The following PCDH9 variants were observed in gnomAD, a reference collection of about 807,000 sequenced individuals.
PCDH9 encodes protocadherin 9, also known as protocadherin-9.
In PCDH9, 24 loss-of-function variants were observed where a neutral mutation model predicts 70.6. The observed-to-expected ratio is 0.34, with a 90% confidence interval of 0.25 to 0.48. PCDH9 has a LOEUF of 0.48. Among genes scored for constraint, PCDH9 ranks in the 20% least tolerant of loss-of-function variants. PCDH9 has a pLI of 0.99. For synonymous variants in PCDH9, 562 were observed against 558.5 expected (o/e 1.01, Z -0.09); for missense variants, 1,281 against 1,503.6 (o/e 0.85, Z 2.45).
intron 4 of PCDH9, among the ~76,000 whole-genome samples, chr13:66,468,714 T>C (rs1489098990): frequency 1.3e-5 from 2 of 152,108 alleles, no homozygotes; most frequent in African/African-American, 4.8e-5. Flanking sequence ...GCACCTCAAA[T>C]TTATACATAT....
intron 2 of PCDH9, among the ~76,000 whole-genome samples, chr13:67,020,802 A>G (rs2084659706): frequency 1.3e-5 from 2 of 152,202 alleles, no homozygotes; most frequent in South Asian, 2.1e-4. Context: ...AGTTTTAACT[A>G]GATTATATAT....
At chr13:67,185,716 G>A (rs115980111) in intron 2 of PCDH9, among the ~76,000 whole-genome samples, 2,528 of 152,182 alleles carry the variant, frequency 0.017, 80 homozygotes, top group African/African-American at 0.058. Context: ...ATAGTTAAAC[G>A]TATGGAAGAT....
intron 4 of PCDH9, among the ~76,000 whole-genome samples, chr13:66,432,098 G>T (rs1165017296): frequency 2.0e-5 from 3 of 151,916 alleles, no homozygotes; most frequent in Non-Finnish European, 2.9e-5. Context: ...AAGCTAAACT[G>T]GGTATATTTA....
intron 4 of PCDH9, among the ~76,000 whole-genome samples, chr13:66,384,327 G>A (rs1418035555): frequency 1.3e-5 from 2 of 151,944 alleles, no homozygotes; most frequent in Non-Finnish European, 2.9e-5. Flanking sequence ...ATGTATTAGG[G>A]TTTACAAAAA....
At chr13:66,541,217 C>T (rs1960938879) in intron 4 of PCDH9, among the ~76,000 whole-genome samples, 1 of 152,030 alleles carries the variant, frequency 6.6e-6, no homozygotes, top group South Asian at 2.1e-4. Flanking sequence ...CAGACAAAGT[C>T]CCAATATTCT....
intron 3 of PCDH9, among the ~76,000 whole-genome samples, chr13:66,677,006 T>A (rs962087441): frequency 2.0e-5 from 3 of 152,072 alleles, no homozygotes; most frequent in African/African-American, 7.2e-5. Context: ...GGATTAAAAG[T>A]TTTTTTAGAT....
intron 4 of PCDH9, among the ~76,000 whole-genome samples, chr13:66,451,239 A>C (rs1958202654): frequency 6.6e-6 from 1 of 152,358 alleles, no homozygotes; most frequent in Middle Eastern, 3.4e-3. Context: ...AATGAAAGGA[A>C]TACTTTACAG....
chr13:67,013,659 C>T (rs1044001401), intron 2 of PCDH9, among the ~76,000 whole-genome samples: 29 of 151,878 alleles, frequency 1.9e-4, no homozygotes, highest in Non-Finnish European at 7.4e-5. Context: ...GCTCACTTAT[C>T]ATTCCTCAGA....
Position 66,905,280 on chromosome 13 carries a change from A to G in PCDH9, c.3037-1675T>C, listed in dbSNP as rs917285466. ...CAATTCCTATCCCTAGCCTCTCCAC[A>G]TATCTATTCATGCTGATTAATCTTT... On this transcript the variant is annotated intron_variant, in intron 2 of 4. Coordinates refer to ENST00000377865, the MANE Select transcript of PCDH9 (RefSeq NM_203487.3). Among the ~76,000 whole-genome samples, 5 of 152,132 alleles carry G rather than the reference A, an allele frequency of 3.3e-5. No individual in the cohort carries two copies. In the South Asian group the frequency reaches 6.2e-4, roughly 19 times the overall value.
At position 66,489,635 on chromosome 13, in the gene PCDH9, C is replaced by G. The variant is rs557394348; in HGVS notation, c.3340+141575G>C. ...CCAACATTTGATTATTAGTATACAA[C>G]TACATGTTCACTGCCTCCTTATAAA... On this transcript the variant is annotated intron_variant, in intron 4 of 4. Coordinates refer to ENST00000377865, the MANE Select transcript of PCDH9 (RefSeq NM_203487.3). 5.3e-5 allele frequency among the ~76,000 whole-genome samples: 8 copies of G among 152,240 alleles called. No individual in the cohort carries two copies. In the South Asian group the frequency reaches 1.0e-3, roughly 20 times the overall value.
intron 4 of PCDH9, among the ~76,000 whole-genome samples, chr13:66,628,207 T>A (rs576607451): frequency 6.6e-6 from 1 of 152,350 alleles, no homozygotes; most frequent in South Asian, 2.1e-4. Flanking sequence ...AACAACCTGC[T>A]ACTTTTATCT....
At chr13:66,980,729 T>C (rs2083729405) in intron 2 of PCDH9, among the ~76,000 whole-genome samples, 1 of 110,220 alleles carries the variant, frequency 9.1e-6, no homozygotes, top group Admixed American at 9.5e-5. Context: ...TTTTTTTCTT[T>C]GTTTTTTTTT....
chr13:66,730,876 G>GTTTTTTTTTTTTTTTT (rs758928616), intron 3 of PCDH9, among the ~76,000 whole-genome samples: 9 of 46,356 alleles, frequency 1.9e-4, no homozygotes, highest in African/African-American at 5.3e-4. Context: ...GTGTGTGTGT[G>GTTTTTTTTTTTTTTTT]TTTTTTTTTT....
At chr13:67,044,031 A>C (rs1228853023) in intron 2 of PCDH9, among the ~76,000 whole-genome samples, 1 of 152,152 alleles carries the variant, frequency 6.6e-6, no homozygotes, top group East Asian at 1.9e-4. Context: ...AAAGAGGAAT[A>C]GGATTAATAA....
At chr13:66,595,298 G>A (rs1308320093) in intron 4 of PCDH9, among the ~76,000 whole-genome samples, 8 of 151,670 alleles carry the variant, frequency 5.3e-5, no homozygotes, top group African/African-American at 1.9e-4. Context: ...TATGAGTAGT[G>A]TGTTTATCTT....
chr13:67,035,882 C>G (rs1426714921), intron 2 of PCDH9, among the ~76,000 whole-genome samples: 1 of 152,094 alleles, frequency 6.6e-6, no homozygotes, highest in African/African-American at 2.4e-5. Context: ...CTTGGTTGAT[C>G]TTCACATTCC....
At chr13:66,893,053 T>C (rs2139571600) in intron 3 of PCDH9, among the ~76,000 whole-genome samples, 1 of 152,268 alleles carries the variant, frequency 6.6e-6, no homozygotes, top group Middle Eastern at 3.4e-3. Flanking sequence ...ATGGAATATG[T>C]GTTCTTTGAG....
At chr13:67,098,048 C>T (rs535956775) in intron 2 of PCDH9, among the ~76,000 whole-genome samples, 4 of 152,072 alleles carry the variant, frequency 2.6e-5, no homozygotes, top group African/African-American at 4.8e-5. Flanking sequence ...GATGCAAAAA[C>T]GCTTACACAA....
chr13:66,901,713 C>A (rs1389260768), intron 3 of PCDH9, among the ~76,000 whole-genome samples: 1 of 151,430 alleles, frequency 6.6e-6, no homozygotes, highest in Non-Finnish European at 1.5e-5. Flanking sequence ...GTGCTTCGGA[C>A]CTTATAAAAT....
Sources: gnomAD v4.1 joint callset for allele counts (sites outside exome capture counted in the v4.1 genomes callset) on GRCh38, gnomAD v4.1.1 for gene constraint, MANE v1.5 for transcripts, NCBI Gene and HGNC (gene_info 2026-07-23, HGNC 2026-07-21) for gene names.